The following SPRED1 variants were observed in gnomAD, a reference collection of about 807,000 sequenced individuals.
SPRED1 encodes the protein sprouty related EVH1 domain containing 1.
SPRED1 carries 18 observed loss-of-function variants against 52.3 expected under a neutral mutation model. The ratio of observed to expected loss-of-function variants is 0.34; its 90% CI spans 0.24 to 0.51. The LOEUF (loss-of-function observed/expected upper bound fraction) is 0.51, where lower values mean the gene tolerates loss of function less well. SPRED1 is among the 20% of genes least tolerant of loss of function. The pLI, the probability that SPRED1 is intolerant of heterozygous loss-of-function variation, is 0.97. For synonymous variants in SPRED1, 155 were observed against 179.7 expected, an observed-to-expected ratio of 0.86 and a Z score of 1.10; for missense variants, 485 against 551.0, an observed-to-expected ratio of 0.88 and a Z score of 1.20.
chr15:38,327,689 G>A (rs1895732060), intron 4 of SPRED1, among the ~76,000 whole-genome samples: 1 of 152,178 alleles, frequency 6.6e-6, no homozygotes, highest in Non-Finnish European at 1.5e-5. Flanking sequence ...GATAATTACA[G>A]CCACTGCTAA....
chr15:38,294,233 A>G (rs1336129507), intron 1 of SPRED1, among the ~76,000 whole-genome samples: 1 of 152,200 alleles, frequency 6.6e-6, no homozygotes, highest in Non-Finnish European at 1.5e-5. Flanking sequence ...TAAAATATAT[A>G]GAGAGCAAAG....
At chr15:38,340,647 C>G (rs2141008560) in intron 5 of SPRED1, among the ~76,000 whole-genome samples, 1 of 152,218 alleles carries the variant, frequency 6.6e-6, no homozygotes, top group South Asian at 2.1e-4. Flanking sequence ...ATTCTCCTGC[C>G]TCAGCCTCCC....
chr15:38,333,184 T>G (rs773907212), intron 4 of SPRED1, among the ~76,000 whole-genome samples: 4 of 152,188 alleles, frequency 2.6e-5, no homozygotes, highest in Admixed American at 6.6e-5. Flanking sequence ...TAGATACATA[T>G]AATTTTAAGG....
chr15:38,289,427 TA>T, intron 1 of SPRED1, among the ~76,000 whole-genome samples: 2 of 152,036 alleles, frequency 1.3e-5, no homozygotes, highest in Non-Finnish European at 2.9e-5. Context: ...TTTTTCCTGT[TA>T]TATGCCATTT....
chr15:38,273,036 G>A (rs74632166), intron 1 of SPRED1, among the ~76,000 whole-genome samples: 1 of 152,118 alleles, frequency 6.6e-6, no homozygotes, highest in Admixed American at 6.5e-5. Flanking sequence ...AGTTTAATTA[G>A]GTCCCACTTG....
At chr15:38,320,685 T>C (rs932145649) in intron 2 of SPRED1, among the ~76,000 whole-genome samples, 1 of 152,160 alleles carries the variant, frequency 6.6e-6, no homozygotes, top group South Asian at 2.1e-4. Flanking sequence ...TTATTATGTG[T>C]CATGTGCTAC....
chr15:38,285,877 G>A (rs889099765), intron 1 of SPRED1, among the ~76,000 whole-genome samples: 1 of 152,130 alleles, frequency 6.6e-6, no homozygotes, highest in Non-Finnish European at 1.5e-5. Flanking sequence ...TGTCATCCTT[G>A]AAATACTAAG....
chr15:38,260,808 A>G (rs904113440), intron 1 of SPRED1, among the ~76,000 whole-genome samples: 8 of 152,228 alleles, frequency 5.3e-5, no homozygotes, highest in African/African-American at 1.7e-4. Context: ...ACAAAAGGCT[A>G]AAATCTTCTG....
chr15:38,345,433 T>C (rs1896114879), intron 5 of SPRED1, among the ~76,000 whole-genome samples: 1 of 152,206 alleles, frequency 6.6e-6, no homozygotes, highest in Admixed American at 6.5e-5. Flanking sequence ...GATGGATCCT[T>C]TTCTACAACA....
chr15:38,336,122 T>C (rs1054627042), intron 4 of SPRED1, among the ~76,000 whole-genome samples: 1 of 151,930 alleles, frequency 6.6e-6, no homozygotes. Context: ...ACATTGTATA[T>C]TATATTATTC....
At chr15:38,304,844 C>A (rs934486142) in intron 2 of SPRED1, among the ~76,000 whole-genome samples, 2 of 152,056 alleles carry the variant, frequency 1.3e-5, no homozygotes, top group Non-Finnish European at 2.9e-5. Flanking sequence ...CCAATTTTTT[C>A]CTTAACTAGA....
intron 1 of SPRED1, among the ~76,000 whole-genome samples, chr15:38,270,094 A>G (rs1239782547): frequency 6.6e-6 from 1 of 151,734 alleles, no homozygotes; most frequent in Admixed American, 6.6e-5. Context: ...TTTAATAGAG[A>G]CGGGGTTTCA....
intron 2 of SPRED1, among the ~76,000 whole-genome samples, chr15:38,310,722 G>C (rs1191686857): frequency 6.6e-6 from 1 of 152,026 alleles, no homozygotes; most frequent in East Asian, 1.9e-4. Flanking sequence ...TAAATGTTTT[G>C]TTTAGAGCAA....
chr15:38,265,100 C>T (rs1434234284), intron 1 of SPRED1, among the ~76,000 whole-genome samples: 1 of 152,136 alleles, frequency 6.6e-6, no homozygotes, highest in Non-Finnish European at 1.5e-5. Context: ...TAAAAATTTA[C>T]TAATTTAAAT....
rs370085768 is a variant in SPRED1 at position 38,296,226 on chromosome 15, G to C, written c.33-3147G>C. 9.2e-5 allele frequency among the ~76,000 whole-genome samples: 14 copies of C among 152,142 alleles called. 1 individual carries two copies. The South Asian group carries it at 2.9e-3, about 32-fold the overall frequency. On this transcript the variant is annotated intron_variant, in intron 1 of 6. Coordinates refer to ENST00000299084, the MANE Select transcript of SPRED1 (RefSeq NM_152594.3). ...CACAAAGCAAGATAGTTCTGTAAGG[G>C]AGAAAAGAAACTAAAAAAGCAGGTC... is the stretch of plus-strand genomic sequence containing the variant.
At chr15:38,286,840 G>A (rs1040037908) in intron 1 of SPRED1, among the ~76,000 whole-genome samples, 1 of 152,054 alleles carries the variant, frequency 6.6e-6, no homozygotes, top group East Asian at 1.9e-4. Context: ...TTTGAATCAT[G>A]GAGTGCAGAC....
rs1345009887 is a variant in SPRED1, at chr15:38,353,970, C to T, written c.*2306C>T. On this transcript the variant is annotated 3_prime_UTR_variant, in exon 7 of 7. Coordinates refer to ENST00000299084, the MANE Select transcript of SPRED1 (RefSeq NM_152594.3). ...ATTTTCAATTTGTTTAACCACTTTGCTGCTAAGATTTTGCCGTCCCATTCC... is the reference window on the plus strand; with the variant it reads ...ATTTTCAATTTGTTTAACCACTTTGTTGCTAAGATTTTGCCGTCCCATTCC... The T allele has an allele frequency of 6.6e-6, 1 of 152,574 alleles. No individual in the cohort carries two copies. The highest frequency in any genetic ancestry group is 1.5e-5 in the Non-Finnish European group (1 of 67,992). The allele number at this position is 152,574 out of a possible 1,614,324, so 9.5% of individuals were successfully genotyped here.
chr15:38,287,385 TC>T (rs894441246), intron 1 of SPRED1, among the ~76,000 whole-genome samples: 1 of 152,204 alleles, frequency 6.6e-6, no homozygotes, highest in Admixed American at 6.5e-5. Context: ...CTGTGATTTT[TC>T]TTTAAACATA....
In SPRED1 at chr15:38,354,152, T is replaced by A. The variant is rs1888553579; in HGVS notation, c.*2488T>A. 1 of 152,446 alleles carries A rather than the reference T, an allele frequency of 6.6e-6. No individual in the cohort carries two copies. 9.4% of individuals were successfully genotyped at this position (152,446 alleles called of 1,614,324 possible). A position where few individuals can be genotyped will look rare whatever the true frequency, so the allele number is the denominator to read the frequency against. Reference sequence around the variant, plus strand: ...ATATAATGTTCTCTGAATCCCTATATGGAAATTTTCTTTTGAGTAAATGAG... The same window carrying A: ...ATATAATGTTCTCTGAATCCCTATAAGGAAATTTTCTTTTGAGTAAATGAG... On this transcript the variant is annotated 3_prime_UTR_variant, in exon 7 of 7. Transcript: ENST00000299084.
Sources: allele counts gnomAD v4.1 joint callset (sites outside exome capture counted in the v4.1 genomes callset), GRCh38; gene constraint gnomAD v4.1.1; transcripts MANE v1.5; gene names NCBI Gene and HGNC (gene_info 2026-07-23, HGNC 2026-07-21).